CPNE8: variants seen among roughly 807,000 people sequenced by gnomAD.
The protein encoded by CPNE8 is copine 8, also known as copine-8.
In CPNE8, 45 loss-of-function variants were observed where a neutral mutation model predicts 81.5. The observed-to-expected ratio is 0.55, with a 90% CI of 0.44 to 0.71. CPNE8 has a LOEUF of 0.71. CPNE8 is among the 30% of genes least tolerant of loss of function. The pLI is 0.00. For synonymous variants in CPNE8, 252 were observed against 226.3 expected (o/e 1.11, Z -1.02); for missense variants, 594 against 672.1 (o/e 0.88, Z 1.28).
At chr12:38,775,592 G>T (rs1941915232) in intron 7 of CPNE8, among the ~76,000 whole-genome samples, 1 of 152,134 alleles carries the variant, frequency 6.6e-6, no homozygotes, top group Admixed American at 6.5e-5. Context: ...CTTTCAGTCT[G>T]GAGTGTCATA....
chr12:38,695,071 A>G (rs1303604933), intron 14 of CPNE8, among the ~76,000 whole-genome samples: 1 of 152,194 alleles, frequency 6.6e-6, no homozygotes, highest in Non-Finnish European at 1.5e-5. Context: ...TCTTATCAAA[A>G]TGGCCTAATG....
chr12:38,723,440 G>T (rs1940615687), intron 13 of CPNE8, among the ~76,000 whole-genome samples: 1 of 152,064 alleles, frequency 6.6e-6, no homozygotes, highest in African/African-American at 2.4e-5. Flanking sequence ...AGGCCCTGAA[G>T]CTTTTCACCT....
Position 38,685,524 on chromosome 12 carries a change from T to C in CPNE8, c.1237A>G (p.Thr413Ala). 6.2e-7 allele frequency: 1 copy of C among 1,613,552 alleles called. No individual in the cohort carries two copies. The highest frequency in any genetic ancestry group is 8.5e-7 in the Non-Finnish European group (1 of 1,179,608). ...TGATTAATTACAGGAGCAAAGTTGG[T>C]GGGCCCATATAGTTGTACAGATTTC... Reference protein sequence around the residue: ...SLKSVQLYGPTNFAPVINHVA... With the variant: ...SLKSVQLYGPANFAPVINHVA... Residue 413 changes from threonine (T) to alanine (A), a missense_variant, in exon 16 of 20, where the codon ACC becomes GCC. Thr to Ala is a moderately conservative substitution (Grantham distance 58, BLOSUM62 0). Transcript: ENST00000331366.
intron 10 of CPNE8, among the ~76,000 whole-genome samples, chr12:38,748,591 C>T (rs901136868): frequency 9.9e-5 from 15 of 151,996 alleles, no homozygotes; most frequent in African/African-American, 3.6e-4. Flanking sequence ...AGCTCTGCCT[C>T]CCTGGTTCAT....
intron 1 of CPNE8, among the ~76,000 whole-genome samples, chr12:38,886,068 G>C (rs568886786): frequency 3.5e-4 from 53 of 152,236 alleles, no homozygotes; most frequent in African/African-American, 1.3e-3. Flanking sequence ...GGGAGAACAG[G>C]CTAATATAGA....
chr12:38,701,388 A>G (rs538235391), intron 14 of CPNE8, among the ~76,000 whole-genome samples: 3 of 152,218 alleles, frequency 2.0e-5, no homozygotes, highest in African/African-American at 7.2e-5. Flanking sequence ...TTATTTAATA[A>G]TTTCTTGCTT....
intron 10 of CPNE8, among the ~76,000 whole-genome samples, chr12:38,750,381 G>T: frequency 6.6e-6 from 1 of 152,146 alleles, no homozygotes; most frequent in East Asian, 1.9e-4. Context: ...ACCCCAGAAT[G>T]GTAGATCTGC....
chr12:38,894,619 G>T (rs117971247), intron 1 of CPNE8, among the ~76,000 whole-genome samples: 2 of 148,080 alleles, frequency 1.4e-5, no homozygotes, highest in African/African-American at 2.5e-5. Flanking sequence ...TAGTTCCCAC[G>T]TATCCCTTAG....
chr12:38,688,131 T>C (rs770098805), intron 15 of CPNE8, among the ~76,000 whole-genome samples: 40 of 152,324 alleles, frequency 2.6e-4, no homozygotes, highest in Admixed American at 6.5e-4. Context: ...CCTGAGCTAC[T>C]TTTATTTTTT....
intron 6 of CPNE8, among the ~76,000 whole-genome samples, chr12:38,809,426 T>C (rs1942889855): frequency 6.6e-6 from 1 of 152,216 alleles, no homozygotes; most frequent in Non-Finnish European, 1.5e-5. Context: ...CATGATTATA[T>C]TAGGTGTACC....
intron 14 of CPNE8, among the ~76,000 whole-genome samples, chr12:38,695,208 G>A (rs76361428): frequency 0.051 from 7,721 of 152,272 alleles, 448 homozygotes; most frequent in East Asian, 0.32. Flanking sequence ...CCTTTGAGAT[G>A]TAAATCTTCT....
chr12:38,802,755 G>A (rs370182338), intron 6 of CPNE8, among the ~76,000 whole-genome samples: 1,582 of 148,500 alleles, frequency 0.011, 15 homozygotes, highest in South Asian at 0.033. Context: ...TTGATAGACC[G>A]CTAGCAAGAC....
Position 38,760,976 on chromosome 12 carries a change from TA to T in CPNE8, c.681-89del. The T allele has an allele frequency of 4.9e-6, 5 of 1,022,692 alleles. No individual in the cohort carries two copies. In the South Asian group the frequency reaches 7.4e-5, roughly 15 times the overall value. 63.4% of individuals were successfully genotyped at this position (1,022,692 alleles called of 1,614,324 possible). On this transcript the variant is annotated intron_variant, in intron 9 of 19. Coordinates refer to ENST00000331366, the MANE Select transcript of CPNE8 (RefSeq NM_153634.3). ...GAATTTAAAAATAAGTTGTTTTTCT[TA>T]GATAAAACAATGTATGCTTGCAGAT... is the stretch of plus-strand genomic sequence containing the variant.
chr12:38,774,964 A>G (rs1361240290), intron 7 of CPNE8, among the ~76,000 whole-genome samples: 1 of 152,162 alleles, frequency 6.6e-6, no homozygotes, highest in Non-Finnish European at 1.5e-5. Context: ...TCCTATTGTT[A>G]TCTCACTGTT....
At position 38,860,385 on chromosome 12, in the gene CPNE8, CAAAAA is replaced by C. The variant is rs36025286; in HGVS notation, c.187-11728_187-11724del. On this transcript the variant is annotated intron_variant, in intron 3 of 19. Coordinates refer to ENST00000331366, the MANE Select transcript of CPNE8 (RefSeq NM_153634.3). The stretch of plus-strand genomic sequence containing the variant: ...TCATGCCTGTTAGAATGGCTATTAT[CAAAAA>C]AAAAAAAAAAAAAAAGGAAGAATTG... Among the ~76,000 whole-genome samples the C allele has an allele frequency of 6.1e-3, 682 of 111,280 alleles. 2 individuals are homozygous for C. The highest frequency in any genetic ancestry group is 7.6e-3 in the Non-Finnish European group (441 of 57,796). The allele number at this position is 111,280 out of a possible 152,430, so 73.0% of individuals were successfully genotyped here.
At chr12:38,757,415 G>A (rs892641332) in intron 10 of CPNE8, among the ~76,000 whole-genome samples, 1 of 151,358 alleles carries the variant, frequency 6.6e-6, no homozygotes, top group African/African-American at 2.4e-5. Context: ...ATAATCATAA[G>A]CTTCATATCA....
chr12:38,902,311 GGAAGGAAA>G (rs1477362225), intron 1 of CPNE8, among the ~76,000 whole-genome samples: 10 of 32,634 alleles, frequency 3.1e-4, no homozygotes, highest in Admixed American at 6.2e-4. Flanking sequence ...AAGGAAGGAA[GGAAGGAAA>G]GAAAGAAAGA....
chr12:38,848,436 G>C, intron 4 of CPNE8, 123 bp downstream of exon 4: 1 of 1,391,348 alleles, frequency 7.2e-7, no homozygotes, highest in Non-Finnish European at 9.3e-7. Flanking sequence ...ACTCTGAACA[G>C]AATTAATCTG....
intron 10 of CPNE8, among the ~76,000 whole-genome samples, chr12:38,756,648 T>G (rs956817807): frequency 6.6e-6 from 1 of 152,254 alleles, no homozygotes; most frequent in African/African-American, 2.4e-5. Context: ...TGAGTAAATT[T>G]ACATACAAAA....
Sources: allele counts gnomAD v4.1 joint callset (sites outside exome capture counted in the v4.1 genomes callset), GRCh38; gene constraint gnomAD v4.1.1; transcripts MANE v1.5; gene names NCBI Gene and HGNC (gene_info 2026-07-23, HGNC 2026-07-21).